EVI5: variants seen among roughly 807,000 people sequenced by gnomAD.
The protein encoded by EVI5 is ecotropic viral integration site 5 protein homolog.
EVI5 carries 73 observed loss-of-function variants against 112.0 expected under a neutral mutation model. The ratio of observed to expected loss-of-function variants is 0.65; its 90% CI spans 0.54 to 0.79. The LOEUF (loss-of-function observed/expected upper bound fraction) is 0.79. Among genes scored for constraint, EVI5 ranks in the 30% least tolerant of loss-of-function variants. EVI5 has a pLI of 0.00. For missense variants in EVI5, 900 were observed against 968.8 expected, an observed-to-expected ratio of 0.93 and a Z score of 0.94; for synonymous variants, 305 against 319.9, an observed-to-expected ratio of 0.95 and a Z score of 0.50.
intron 14 of EVI5, among the ~76,000 whole-genome samples, chr1:92,635,934 T>C (rs566867975): frequency 1.2e-3 from 176 of 152,344 alleles, no homozygotes; most frequent in Non-Finnish European, 2.0e-3. Flanking sequence ...TTAGATACTC[T>C]TTTTATGAAA....
chr1:92,666,460 T>G, intron 10 of EVI5, among the ~76,000 whole-genome samples: 1 of 24,508 alleles, frequency 4.1e-5, no homozygotes, highest in Non-Finnish European at 8.1e-5. Flanking sequence ...GGTGGGAGGC[T>G]GGGAGGTGGG....
chr1:92,543,317 T>A (rs1041199475), intron 19 of EVI5, among the ~76,000 whole-genome samples: 1 of 152,232 alleles, frequency 6.6e-6, no homozygotes, highest in African/African-American at 2.4e-5. Flanking sequence ...TTAAACCTCA[T>A]GAACCAACCT....
intron 14 of EVI5, among the ~76,000 whole-genome samples, chr1:92,629,656 C>CT (rs749218683): frequency 6.6e-6 from 1 of 150,998 alleles, no homozygotes; most frequent in Non-Finnish European, 1.5e-5. Flanking sequence ...ATGAAATTTT[C>CT]TTTTTTTTTC....
intron 2 of EVI5, among the ~76,000 whole-genome samples, chr1:92,721,472 A>G (rs945183528): frequency 6.6e-6 from 1 of 152,174 alleles, no homozygotes; most frequent in African/African-American, 2.4e-5. Context: ...GTGGGAATTG[A>G]ACAATGAAAA....
At chr1:92,628,320 C>G (rs761466143) in intron 14 of EVI5, among the ~76,000 whole-genome samples, 2 of 152,192 alleles carry the variant, frequency 1.3e-5, no homozygotes, top group African/African-American at 2.4e-5. Flanking sequence ...TGCAAAAGCT[C>G]CTCAGTTTAA....
chr1:92,516,708 T>C (rs948472827), intron 19 of EVI5, among the ~76,000 whole-genome samples: 2 of 152,156 alleles, frequency 1.3e-5, no homozygotes, highest in African/African-American at 4.8e-5. Flanking sequence ...CCTCATCCTG[T>C]GGAAAGGGGT....
chr1:92,686,478 C>A (rs1668552960), intron 9 of EVI5, among the ~76,000 whole-genome samples: 1 of 152,166 alleles, frequency 6.6e-6, no homozygotes, highest in African/African-American at 2.4e-5. Flanking sequence ...CCTTTGAAAA[C>A]CTGCACAAGG....
intron 19 of EVI5, among the ~76,000 whole-genome samples, chr1:92,558,092 C>A (rs1436842647): frequency 6.6e-6 from 1 of 152,116 alleles, no homozygotes; most frequent in Non-Finnish European, 1.5e-5. Context: ...AGTTTAAAAT[C>A]TGATTTAAAT....
chr1:92,731,372 T>TA (rs1676441426), intron 2 of EVI5, among the ~76,000 whole-genome samples: 2 of 152,178 alleles, frequency 1.3e-5, no homozygotes, highest in African/African-American at 4.8e-5. Flanking sequence ...CAGAAGGTGT[T>TA]GACAATTGTA....
intron 1 of EVI5, among the ~76,000 whole-genome samples, chr1:92,781,467 T>C (rs1232737502): frequency 2.6e-5 from 4 of 151,484 alleles, no homozygotes; most frequent in Non-Finnish European, 5.9e-5. Flanking sequence ...GTTCTGAGAC[T>C]GCACCACTGC....
chr1:92,706,942 G>A (rs1301033012), intron 2 of EVI5, among the ~76,000 whole-genome samples: 1 of 152,124 alleles, frequency 6.6e-6, no homozygotes, highest in Non-Finnish European at 1.5e-5. Context: ...AGCACTTTGG[G>A]AGGCCGAGGC....
chr1:92,785,893 A>C (rs916484421), upstream of EVI5, among the ~76,000 whole-genome samples: 59 of 151,844 alleles, frequency 3.9e-4, no homozygotes, highest in Admixed American at 1.5e-3. Flanking sequence ...CAATCTGGCC[A>C]ACATGGTGAA....
intron 19 of EVI5, among the ~76,000 whole-genome samples, chr1:92,534,597 A>G (rs914915215): frequency 6.6e-6 from 1 of 152,210 alleles, no homozygotes; most frequent in African/African-American, 2.4e-5. Context: ...AGACCAATGG[A>G]ACAGAATAGA....
chr1:92,514,058 A>G (rs1659482270), intron 19 of EVI5, 88 bp from the exon 20 acceptor site: 2 of 765,748 alleles, frequency 2.6e-6, no homozygotes, highest in East Asian at 2.7e-5. Flanking sequence ...AAGGAAGAAG[A>G]TGCCTTATTA....
chr1:92,736,034 C>G (rs960792772), intron 2 of EVI5, among the ~76,000 whole-genome samples: 1 of 151,202 alleles, frequency 6.6e-6, no homozygotes, highest in Non-Finnish European at 1.5e-5. Context: ...AGATTTTGCA[C>G]TCTAAACCAC....
chr1:92,762,628 T>C (rs1682049099), intron 1 of EVI5, among the ~76,000 whole-genome samples: 1 of 152,230 alleles, frequency 6.6e-6, no homozygotes, highest in South Asian at 2.1e-4. Context: ...TGCCTAAAAC[T>C]AATCTTATTA....
rs185052291 is a variant in EVI5 at position 92,672,533 on chromosome 1, C to A, written c.1158+4625G>T. On this transcript the variant is annotated intron_variant, in intron 10 of 19. Transcript: ENST00000684568. ...TACCCAAACACTACCATTTTACATT[C>A]TCTTTCCCTGAGGTTATTTTTTCTC... 1.5e-3 allele frequency among the ~76,000 whole-genome samples: 236 copies of A among 152,334 alleles called. 1 individual carries two copies. The highest frequency in any genetic ancestry group is 5.3e-3 in the African/African-American group (222 of 41,578).
At chr1:92,589,988 G>A (rs941120445) in intron 18 of EVI5, among the ~76,000 whole-genome samples, 14 of 152,292 alleles carry the variant, frequency 9.2e-5, no homozygotes, top group African/African-American at 3.4e-4. Context: ...CTCCGCTGCT[G>A]ATATACAGGC....
intron 13 of EVI5, among the ~76,000 whole-genome samples, chr1:92,642,265 T>C (rs1261964566): frequency 6.6e-6 from 1 of 152,272 alleles, no homozygotes; most frequent in Admixed American, 6.5e-5. Flanking sequence ...TTGTTGTTAA[T>C]GCTAAGAAAA....
Sources: allele counts gnomAD v4.1 joint callset (sites outside exome capture counted in the v4.1 genomes callset), GRCh38; gene constraint gnomAD v4.1.1; transcripts MANE v1.5; gene names NCBI Gene and HGNC (gene_info 2026-07-23, HGNC 2026-07-21).